Variants in MED14 observed in about 807,000 individuals in gnomAD.
MED14 encodes mediator of RNA polymerase II transcription subunit 14.
A neutral mutation model predicts 109.0 loss-of-function variants in MED14; 8 were observed. That is an observed-to-expected ratio of 0.07 (90% CI 0.04 to 0.13). The LOEUF is 0.13. Among genes scored for constraint, MED14 ranks in the 10% least tolerant of loss-of-function variants. The pLI is 1.00. For missense variants in MED14, 711 were observed against 1,142.4 expected (o/e 0.62, Z 5.44); for synonymous variants, 399 against 408.7 (o/e 0.98, Z 0.29).
At chrX:40,682,796 T>G (rs1446907082) in intron 17 of MED14, 40 bp downstream of exon 17, 1 of 1,207,077 alleles carries the variant, frequency 8.3e-7, no homozygotes, top group Non-Finnish European at 1.1e-6. Flanking sequence ...ACCAAAAAAA[T>G]CCAGAAATAT....
chrX:40,679,721 C>T (rs768041408), intron 21 of MED14, 143 bp downstream of exon 21: 3 of 520,463 alleles, frequency 5.8e-6, no homozygotes, highest in Admixed American at 3.8e-5. Flanking sequence ...TTCAGAATGA[C>T]GTTATACAGA....
intron 22 of MED14, among the ~76,000 whole-genome samples, chrX:40,674,491 CAGTG>C (rs1602455277): frequency 1.8e-5 from 2 of 112,245 alleles, no homozygotes; most frequent in African/African-American, 6.5e-5. Flanking sequence ...GGATGAGAAG[CAGTG>C]AGCTATTTCG....
intron 19 of MED14, among the ~76,000 whole-genome samples, chrX:40,681,339 C>T (rs1046135025): frequency 1.1e-4 from 12 of 111,077 alleles, no homozygotes; most frequent in African/African-American, 3.3e-4. Flanking sequence ...CATTACTTGA[C>T]GTAGAAGTCT....
intron 15 of MED14, among the ~76,000 whole-genome samples, chrX:40,689,389 A>G (rs1386320693): frequency 5.4e-5 from 6 of 112,040 alleles, no homozygotes; most frequent in Non-Finnish European, 7.5e-5. Context: ...CTGCTATTCT[A>G]TCAATCAGAT....
At chrX:40,702,370 G>A (rs1488756090) in intron 11 of MED14, among the ~76,000 whole-genome samples, 23 of 86,029 alleles carry the variant, frequency 2.7e-4, no homozygotes, top group African/African-American at 1.0e-3. Context: ...TTTTTGAGAC[G>A]GAGTCTCGCT....
intron 12 of MED14, among the ~76,000 whole-genome samples, chrX:40,697,562 A>C (rs1930766379): frequency 8.9e-6 from 1 of 112,133 alleles, no homozygotes; most frequent in African/African-American, 3.2e-5. Flanking sequence ...TGAAGTGTGT[A>C]GTATACCTAG....
At chrX:40,674,216 G>A (rs1329543633) in intron 22 of MED14, among the ~76,000 whole-genome samples, 1 of 111,434 alleles carries the variant, frequency 9.0e-6, no homozygotes, top group Non-Finnish European at 1.9e-5. Flanking sequence ...AGAGACATTC[G>A]CATAGGCCTT....
At chrX:40,694,589 C>G (rs6520677) in intron 13 of MED14, among the ~76,000 whole-genome samples, 1 of 110,338 alleles carries the variant, frequency 9.1e-6, no homozygotes, top group Non-Finnish European at 1.9e-5. Flanking sequence ...GATGAGCACA[C>G]GAAAATATGC....
At chrX:40,714,397 C>A in intron 4 of MED14, 140 bp downstream of exon 4, 1 of 576,248 alleles carries the variant, frequency 1.7e-6, no homozygotes, top group Non-Finnish European at 2.6e-6. Context: ...AAAAGCACAA[C>A]TTTAGTTACA....
chrX:40,659,801 G>A (rs1054763828), intron 26 of MED14, 194 bp from the exon 27 acceptor site: 4 of 361,705 alleles, frequency 1.1e-5, no homozygotes, highest in Admixed American at 5.3e-5. Context: ...CTTGATGGAA[G>A]AACATAACTC....
chrX:40,667,820 A>T (rs1047349371), intron 23 of MED14, among the ~76,000 whole-genome samples: 7 of 111,817 alleles, frequency 6.3e-5, no homozygotes, highest in Non-Finnish European at 1.3e-4. Flanking sequence ...GGTAGTGAAA[A>T]GTGGTTGGAT....
intron 22 of MED14, 24 bp from the exon 23 acceptor site, chrX:40,671,996 T>G: frequency 9.5e-7 from 1 of 1,055,715 alleles, no homozygotes; most frequent in Non-Finnish European, 1.3e-6. Context: ...AATTAAATGT[T>G]GGTAAAATGG....
Position 40,649,490 on chromosome X carries a change from A to C in MED14, c.*2316T>G, listed in dbSNP as rs926269733. ...TTATTTCAAGGTTAAATTAATACTA[A>C]ACCAGACTATTAATGAAAACATCTT... On this transcript the variant is annotated 3_prime_UTR_variant, in exon 31 of 31. Coordinates refer to ENST00000324817, the MANE Select transcript of MED14 (RefSeq NM_004229.4). The C allele has an allele frequency of 2.9e-5, 15 of 513,947 alleles. No homozygotes were observed. In the African/African-American group the frequency reaches 3.7e-4, roughly 13 times the overall value. The allele number at this position is 513,947 out of a possible 1,213,427, so 42.4% of individuals were successfully genotyped here. A position where few individuals can be genotyped will look rare whatever the true frequency, so the allele number is the denominator to read the frequency against.
At chrX:40,661,325 G>A (rs1929262762) in intron 26 of MED14, among the ~76,000 whole-genome samples, 1 of 107,956 alleles carries the variant, frequency 9.3e-6, no homozygotes, top group South Asian at 3.7e-4. Context: ...CAAGTGATCC[G>A]CCTGCCTCAG....
rs376343946 is a variant in MED14 at position 40,688,559 on chromosome X, C to T, written c.1981-29G>A. 1.2e-3 allele frequency: 1,305 copies of T among 1,069,636 alleles called. 7 individuals carry two copies. The Middle Eastern group carries it at 0.021, about 17-fold the overall frequency. The allele number at this position is 1,069,636 out of a possible 1,213,427, so 88.2% of individuals were successfully genotyped here. Reference sequence around the variant, plus strand: ...GAAAGAGAAAAACAATTATATCAGACGACCAATTTTACAAAAACAACTACC... The same window carrying T: ...GAAAGAGAAAAACAATTATATCAGATGACCAATTTTACAAAAACAACTACC... On this transcript the variant is annotated intron_variant, in intron 15 of 30. Coordinates refer to ENST00000324817, the MANE Select transcript of MED14 (RefSeq NM_004229.4).
At chrX:40,677,500 G>A (rs1282919419) in intron 21 of MED14, among the ~76,000 whole-genome samples, 1 of 110,328 alleles carries the variant, frequency 9.1e-6, no homozygotes, top group Non-Finnish European at 1.9e-5. Context: ...GATTATGTAG[G>A]ATAAAAAGAA....
chrX:40,702,378 G>A (rs1345436526), intron 11 of MED14, among the ~76,000 whole-genome samples: 2 of 86,287 alleles, frequency 2.3e-5, no homozygotes, highest in Non-Finnish European at 4.2e-5. Context: ...ACGGAGTCTC[G>A]CTCTACCGCC....
Position 40,735,204 on chromosome X carries a change from G to A in MED14, c.209C>T (p.Thr70Met), listed in dbSNP as rs868736774. 4.5e-6 allele frequency: 5 copies of A among 1,121,603 alleles called. No homozygotes were observed. The highest frequency in any genetic ancestry group is 2.1e-5 in the South Asian group (1 of 47,140). The allele number at this position is 1,121,603 out of a possible 1,213,427, so 92.4% of individuals were successfully genotyped here. A position where few individuals can be genotyped will look rare whatever the true frequency, so the allele number is the denominator to read the frequency against. ...GGGGTTTCGGGGCACTTACAGGTCC[G>A]TCAACACCATAAGCTCCGAGTAGGC... is the stretch of plus-strand genomic sequence containing the variant. The part of the protein sequence containing the change: ...HRAYSELMVL[T>M]DLLPRKSDVE... Residue 70 changes from threonine to methionine, a missense_variant, in exon 1 of 31, where the codon ACG becomes ATG. Transcript: ENST00000324817.
Position 40,654,532 on chromosome X carries a change from C to T in MED14, c.4123G>A (p.Val1375Ile). 1.7e-6 allele frequency: 2 copies of T among 1,210,826 alleles called. No homozygotes were observed. The highest frequency in any genetic ancestry group is 1.1e-6 in the Non-Finnish European group (1 of 895,065). ...ATACTAACAGGTTCTTGGGGAGGGA[C>T]CGATGTTTTCTGAGTTAGTTGAAGC... is the stretch of plus-strand genomic sequence containing the variant. ...FFLQLTQKTS[V>I]PPQEPVSIIV... The change falls in exon 30 of 31, where the codon GTC (valine) becomes ATC (isoleucine). Residue 1375 changes from valine to isoleucine, a missense_variant. Transcript: ENST00000324817.
Sources: allele counts gnomAD v4.1 joint callset (sites outside exome capture counted in the v4.1 genomes callset), GRCh38; gene constraint gnomAD v4.1.1; transcripts MANE v1.5; gene names NCBI Gene and HGNC (gene_info 2026-07-23, HGNC 2026-07-21).